MIEF1: variants seen among roughly 807,000 people sequenced by gnomAD.
MIEF1 encodes the protein mitochondrial elongation factor 1, also known as mitochondrial dynamics protein MIEF1.
A neutral mutation model predicts 35.1 loss-of-function variants in MIEF1; 14 were observed. That is an observed-to-expected ratio of 0.40 (90% CI 0.26 to 0.62). The LOEUF (loss-of-function observed/expected upper bound fraction) is 0.62, where lower values mean the gene tolerates loss of function less well. Among genes scored for constraint, MIEF1 ranks in the 20% least tolerant of loss-of-function variants. The pLI is 0.43. For missense variants in MIEF1, 542 were observed against 615.4 expected (o/e 0.88, Z 1.26); for synonymous variants, 245 against 254.3 (o/e 0.96, Z 0.35).
chr22:39,512,804 T>G (rs57261215), intron 5 of MIEF1, among the ~76,000 whole-genome samples: 3,803 of 151,706 alleles, frequency 0.025, 150 homozygotes, highest in African/African-American at 0.086. Flanking sequence ...GTGCCACCAC[T>G]CCTGGCTAAT....
At position 39,514,125 on chromosome 22, in the gene MIEF1, C is replaced by T. The variant is rs1341816552; in HGVS notation, c.1194C>T (p.Asp398=). 6.2e-7 allele frequency: 1 copy of T among 1,614,228 alleles called. No homozygotes were observed. Among genetic ancestry groups the T allele is most frequent in the Admixed American group, 1.7e-5 (1 of 60,036 alleles). The change falls in exon 6 of 6, where the codon GAC becomes GAT. Residue 398 remains aspartate, a synonymous_variant. Transcript: ENST00000325301. The part of the protein sequence containing the change: ...VILHLAQEEA[D]WSPDMLADRF... Reference sequence around the variant, plus strand: ...TCCACTTGGCCCAGGAGGAGGCTGACTGGTCTCCGGATATGCTGGCCGACC... The same window carrying T: ...TCCACTTGGCCCAGGAGGAGGCTGATTGGTCTCCGGATATGCTGGCCGACC...
upstream of MIEF1, among the ~76,000 whole-genome samples, chr22:39,501,266 G>T (rs1481393092): frequency 6.6e-6 from 1 of 152,166 alleles, no homozygotes; most frequent in Non-Finnish European, 1.5e-5. Flanking sequence ...AGGCTTACCT[G>T]GGGGGAGGCC....
intron 4 of MIEF1, 93 bp from the exon 5 acceptor site, chr22:39,512,139 C>G (rs1277160964): frequency 2.6e-6 from 4 of 1,559,896 alleles, no homozygotes; most frequent in South Asian, 1.2e-5. Context: ...AGCACTTGCC[C>G]TCCATGCCAG....
At position 39,515,587 on chromosome 22, in the gene MIEF1, G is replaced by T; in HGVS notation, c.*1264G>T. The T allele has an allele frequency of 1.9e-6, 1 of 518,750 alleles. No individual in the cohort carries two copies. The highest frequency in any genetic ancestry group is 3.4e-6 in the Non-Finnish European group (1 of 293,464). The allele number at this position is 518,750 out of a possible 1,614,324, so 32.1% of individuals were successfully genotyped here. ...GAGAGCACACAGATAAGACAGAGGG[G>T]AGGAGGTGGGCATTTCCTACATTCC... On this transcript the variant is annotated 3_prime_UTR_variant, in exon 6 of 6. Coordinates refer to ENST00000325301, the MANE Select transcript of MIEF1 (RefSeq NM_019008.6).
intron 2 of MIEF1, among the ~76,000 whole-genome samples, chr22:39,506,148 C>T (rs1322817339): frequency 1.3e-5 from 2 of 152,110 alleles, no homozygotes; most frequent in Non-Finnish European, 2.9e-5. Context: ...TTGGGCTACA[C>T]GCTGCTATCA....
rs1184490410 is a variant in MIEF1 at position 39,515,358 on chromosome 22, G to A, written c.*1035G>A. 1.4e-6 allele frequency: 1 copy of A among 717,410 alleles called. No individual in the cohort carries two copies. The highest frequency in any genetic ancestry group is 2.7e-5 in the East Asian group (1 of 37,306). The allele number at this position is 717,410 out of a possible 1,614,324, so 44.4% of individuals were successfully genotyped here. ...GGTGGCCATGTTTTCTACCCAGACA[G>A]GCCCTGCTTTTCTAGGATGTGGCCT... On this transcript the variant is annotated 3_prime_UTR_variant, in exon 6 of 6. Coordinates refer to ENST00000325301, the MANE Select transcript of MIEF1 (RefSeq NM_019008.6).
chr22:39,513,471 T>C (rs890435137), intron 5 of MIEF1, 46 bp from the exon 6 acceptor site: 1 of 1,572,560 alleles, frequency 6.4e-7, no homozygotes, highest in African/African-American at 1.4e-5. Flanking sequence ...AGCATGTCTT[T>C]TGAACAGAGT....
chr22:39,513,149 G>A lies in MIEF1; in HGVS notation c.586-368G>A, dbSNP rs537314596. On this transcript the variant is annotated intron_variant, in intron 5 of 5. Coordinates refer to ENST00000325301, the MANE Select transcript of MIEF1 (RefSeq NM_019008.6). The stretch of plus-strand genomic sequence containing the variant: ...GGAGTCTTGTTCTGTTGCCCAGGCT[G>A]GAGTGCAGTGGCACGATCTTGGCTC... Among the ~76,000 whole-genome samples, 4 of 148,226 alleles carry A rather than the reference G, an allele frequency of 2.7e-5. No individual in the cohort carries two copies. In the South Asian group the frequency reaches 8.5e-4, roughly 32 times the overall value.
At position 39,511,931 on chromosome 22, in the gene MIEF1, G is replaced by C. The variant is rs991862528; in HGVS notation, c.227G>C (p.Trp76Ser). ...SGKRSWEEPNWMGSPRLLNRD... is the reference protein window; with the variant it reads ...SGKRSWEEPNSMGSPRLLNRD... Reference sequence around the variant, plus strand: ...AAAAGGAGCTGGGAAGAACCCAACTGGATGGGCTCCCCACGACTGCTGAAC... The same window carrying C: ...AAAAGGAGCTGGGAAGAACCCAACTCGATGGGCTCCCCACGACTGCTGAAC... Residue 76 changes from tryptophan (W) to serine (S), a missense_variant, in exon 4 of 6, where the codon TGG becomes TCG. Transcript: ENST00000325301. The C allele has an allele frequency of 4.4e-5, 71 of 1,614,116 alleles. No individual in the cohort carries two copies. Among genetic ancestry groups the C allele is most frequent in the Non-Finnish European group, 5.3e-5 (63 of 1,180,054 alleles).
Position 39,516,109 on chromosome 22 carries a change from A to G in MIEF1, c.*1786A>G, listed in dbSNP as rs1383883264. ...AGGGAACAAAAAACATAAAGCTGAG[A>G]ATCTTGAGAGAGCTCATCTACCCTG... On this transcript the variant is annotated 3_prime_UTR_variant, in exon 6 of 6. Coordinates refer to ENST00000325301, the MANE Select transcript of MIEF1 (RefSeq NM_019008.6). 6.6e-6 allele frequency: 1 copy of G among 152,016 alleles called. No individual in the cohort carries two copies. Among genetic ancestry groups the G allele is most frequent in the Non-Finnish European group, 1.5e-5 (1 of 68,012 alleles). 9.4% of individuals were successfully genotyped at this position (152,016 alleles called of 1,614,324 possible). A position where few individuals can be genotyped will look rare whatever the true frequency, so the allele number is the denominator to read the frequency against.
In MIEF1 at chr22:39,514,886, T is replaced by G; in HGVS notation, c.*563T>G. 3.7e-6 allele frequency: 1 copy of G among 267,764 alleles called. No individual in the cohort carries two copies. Among genetic ancestry groups the G allele is most frequent in the South Asian group, 5.9e-5 (1 of 17,018 alleles). The allele number at this position is 267,764 out of a possible 1,614,324, so 16.6% of individuals were successfully genotyped here. A position where few individuals can be genotyped will look rare whatever the true frequency, so the allele number is the denominator to read the frequency against. On this transcript the variant is annotated 3_prime_UTR_variant, in exon 6 of 6. Transcript: ENST00000325301. ...TCTGGGAGTGAGGCTGGTAGAAGAGTTGGCCTTTGACCACGGTTCCTGGAG... is the reference window on the plus strand; with the variant it reads ...TCTGGGAGTGAGGCTGGTAGAAGAGGTGGCCTTTGACCACGGTTCCTGGAG...
At position 39,512,377 on chromosome 22, in the gene MIEF1, G is replaced by A. The variant is rs1449844570; in HGVS notation, c.468G>A (p.Arg156=). Residue 156 remains arginine, a synonymous_variant, in exon 5 of 6, where the codon CGG becomes CGA. Coordinates refer to ENST00000325301, the MANE Select transcript of MIEF1 (RefSeq NM_019008.6). ...RAAIPAGEQA[R]AKQAAVDICA... The stretch of plus-strand genomic sequence containing the variant: ...CCATCCCTGCTGGAGAGCAGGCTCG[G>A]GCCAAGCAAGCTGCTGTGGACATAT... The A allele has an allele frequency of 1.9e-6, 3 of 1,614,120 alleles. No individual in the cohort carries two copies. The highest frequency in any genetic ancestry group is 1.3e-5 in the African/African-American group (1 of 74,952).
intron 5 of MIEF1, among the ~76,000 whole-genome samples, 166 bp from the exon 6 acceptor site, chr22:39,513,351 G>A (rs955945737): frequency 2.4e-4 from 37 of 152,118 alleles, no homozygotes; most frequent in Non-Finnish European, 4.1e-4. Flanking sequence ...TGAGCCAGCC[G>A]CCTCAGCTTC....
chr22:39,512,795 T>C (rs1930427793), intron 5 of MIEF1, among the ~76,000 whole-genome samples: 1 of 151,604 alleles, frequency 6.6e-6, no homozygotes. Context: ...TACAGGTGTG[T>C]GCCACCACTC....
rs762638970 is a variant in MIEF1, at chr22:39,514,276, A to G, written c.1345A>G (p.Thr449Ala). The G allele has an allele frequency of 1.5e-5, 25 of 1,613,864 alleles. No homozygotes were observed. The highest frequency in any genetic ancestry group is 2.0e-5 in the Non-Finnish European group (24 of 1,180,026). ...TGAAGAAATAGACGAATTAGGATAC[A>G]CTCTGTATTGCTCATTGTCTGAGCC... ...TPEEIDELGY[T>A]LYCSLSEPEV... is the part of the protein sequence containing the mutation. The change falls in exon 6 of 6, where the codon ACT becomes GCT. Residue 449 changes from threonine (T) to alanine (A), a missense_variant. By Grantham distance (58) the Thr-to-Ala change is moderately conservative (BLOSUM62 0). Coordinates refer to ENST00000325301, the MANE Select transcript of MIEF1 (RefSeq NM_019008.6).
At chr22:39,510,508 C>T (rs982093195) in intron 2 of MIEF1, among the ~76,000 whole-genome samples, 1 of 152,138 alleles carries the variant, frequency 6.6e-6, no homozygotes, top group Non-Finnish European at 1.5e-5. Context: ...TGGCCACAAG[C>T]GATCTTCCCA....
Position 39,512,345 on chromosome 22 carries a change from C to G in MIEF1, c.436C>G (p.Arg146Gly). The change falls in exon 5 of 6, where the codon CGG (arginine) becomes GGG (glycine). Residue 146 changes from arginine (R) to glycine (G), a missense_variant. Arg to Gly is a moderately radical substitution (Grantham distance 125). Coordinates refer to ENST00000325301, the MANE Select transcript of MIEF1 (RefSeq NM_019008.6). ...GAAACTTCTTACTTACTACCGGAAC[C>G]GGGCAGCCATCCCTGCTGGAGAGCA... Reference protein sequence around the residue: ...QEKLLTYYRNRAAIPAGEQAR... With the variant: ...QEKLLTYYRNGAAIPAGEQAR... The G allele has an allele frequency of 6.2e-7, 1 of 1,614,248 alleles. No homozygotes were observed. The highest frequency in any genetic ancestry group is 8.5e-7 in the Non-Finnish European group (1 of 1,180,054).
In MIEF1 at chr22:39,517,587, T is replaced by C. The variant is rs372632615; in HGVS notation, c.*3264T>C. The C allele has an allele frequency of 4.9e-5, 23 of 470,998 alleles. No individual in the cohort carries two copies. The highest frequency in any genetic ancestry group is 4.0e-4 in the African/African-American group (20 of 50,056). 29.2% of individuals were successfully genotyped at this position (470,998 alleles called of 1,614,324 possible). A position where few individuals can be genotyped will look rare whatever the true frequency, so the allele number is the denominator to read the frequency against. ...TTCTGTAAATACAGACTACTGCGAGTGTCCAGAGCTCTCTGCCATGATACT... is the reference window on the plus strand; with the variant it reads ...TTCTGTAAATACAGACTACTGCGAGCGTCCAGAGCTCTCTGCCATGATACT... On this transcript the variant is annotated 3_prime_UTR_variant, in exon 6 of 6. Transcript: ENST00000325301.
At chr22:39,506,085 G>A (rs1182851379) in intron 2 of MIEF1, among the ~76,000 whole-genome samples, 1 of 152,152 alleles carries the variant, frequency 6.6e-6, no homozygotes, top group East Asian at 1.9e-4. Flanking sequence ...ATCTAGGAGG[G>A]AATTAGGGCG....
Sources: gnomAD v4.1 joint callset for allele counts (sites outside exome capture counted in the v4.1 genomes callset) on GRCh38, gnomAD v4.1.1 for gene constraint, MANE v1.5 for transcripts, NCBI Gene and HGNC (gene_info 2026-07-23, HGNC 2026-07-21) for gene names.